BCAR3: variants seen among roughly 807,000 people sequenced by gnomAD.
BCAR3 encodes the protein BCAR3 adaptor protein, NSP family member.
In BCAR3, 37 loss-of-function variants were observed where a neutral mutation model predicts 80.1. That is an observed-to-expected ratio of 0.46 (90% CI 0.36 to 0.61). The LOEUF (loss-of-function observed/expected upper bound fraction) is 0.61. Ranked by LOEUF, BCAR3 falls within the 20% of genes least tolerant of loss-of-function variation. The pLI is 0.00. For missense variants in BCAR3, 978 were observed against 1,068.2 expected (o/e 0.92, Z 1.18); for synonymous variants, 389 against 418.9 (o/e 0.93, Z 0.87).
chr1:93,752,227 G>A (rs939238062), intron 2 of BCAR3, among the ~76,000 whole-genome samples: 1 of 152,200 alleles, frequency 6.6e-6, no homozygotes, highest in African/African-American at 2.4e-5. Context: ...GAAATCTCCT[G>A]TAGAGGCCAT....
At chr1:93,660,155 T>C (rs1383927754) in intron 2 of BCAR3, among the ~76,000 whole-genome samples, 1 of 151,788 alleles carries the variant, frequency 6.6e-6, no homozygotes, top group Non-Finnish European at 1.5e-5. Context: ...GAATAAAACA[T>C]TGGAAGGAGA....
chr1:93,761,648 C>A (rs2100727263), intron 2 of BCAR3, among the ~76,000 whole-genome samples: 1 of 152,306 alleles, frequency 6.6e-6, no homozygotes, highest in South Asian at 2.1e-4. Flanking sequence ...CCAGCTGGGG[C>A]AGCCACGGCA....
chr1:93,756,111 T>C (rs1363978254), intron 2 of BCAR3, among the ~76,000 whole-genome samples: 1 of 152,154 alleles, frequency 6.6e-6, no homozygotes, highest in Non-Finnish European at 1.5e-5. Flanking sequence ...ACAGACAAAA[T>C]GCACAGAACT....
At chr1:93,761,198 C>T (rs938408035) in intron 2 of BCAR3, among the ~76,000 whole-genome samples, 12 of 152,108 alleles carry the variant, frequency 7.9e-5, no homozygotes, top group Non-Finnish European at 1.0e-4. Context: ...GCTGAGATGA[C>T]GGGGGTGTGG....
At chr1:93,574,603 T>C (rs1244472825) in intron 8 of BCAR3, among the ~76,000 whole-genome samples, 4 of 152,056 alleles carry the variant, frequency 2.6e-5, no homozygotes, top group African/African-American at 7.2e-5. Flanking sequence ...ACTAAGAAAA[T>C]AGGGCTCAGA....
chr1:93,625,703 G>A (rs959594282), intron 3 of BCAR3, among the ~76,000 whole-genome samples: 3 of 152,182 alleles, frequency 2.0e-5, no homozygotes, highest in African/African-American at 7.2e-5. Flanking sequence ...GAGAGGGCTG[G>A]GACTCGAAAG....
intron 2 of BCAR3, among the ~76,000 whole-genome samples, chr1:93,769,355 ATG>A (rs59798936): frequency 0.19 from 22,281 of 119,508 alleles, 1,707 homozygotes; most frequent in South Asian, 0.27. Flanking sequence ...GTGGGTAGGA[ATG>A]TGTGTGTGTG....
Position 93,582,448 on chromosome 1 carries a change from G to GGA in BCAR3, c.1537_1538dup (p.Ser514ProfsTer25). On this transcript the variant is annotated frameshift_variant, in exon 7 of 12. Transcript: ENST00000260502. LOFTEE classifies it high-confidence loss of function. Reference sequence around the variant, plus strand: ...ACTCAAACTCGTTGGGCCTGAAGGAGGAGACAGTCTCCAGGAGGGGCGTCA... The same window carrying GGA: ...ACTCAAACTCGTTGGGCCTGAAGGAGGAGAGACAGTCTCCAGGAGGGGCGTCA... 1 of 1,614,194 alleles carries GGA rather than the reference G, an allele frequency of 6.2e-7. No homozygotes were observed. Among genetic ancestry groups the GGA allele is most frequent in the Non-Finnish European group, 8.5e-7 (1 of 1,180,032 alleles).
At chr1:93,675,222 C>T (rs74101658) in intron 1 of BCAR3, among the ~76,000 whole-genome samples, 8,574 of 151,934 alleles carry the variant, frequency 0.056, 470 homozygotes, top group African/African-American at 0.14. Flanking sequence ...CCATGCACAA[C>T]CAGCAAAAAA....
intron 2 of BCAR3, among the ~76,000 whole-genome samples, chr1:93,665,054 G>C (rs1454734287): frequency 6.6e-6 from 1 of 152,038 alleles, no homozygotes; most frequent in African/African-American, 2.4e-5. Context: ...TAAGAGGAAG[G>C]GCTTCTGCCT....
intron 2 of BCAR3, among the ~76,000 whole-genome samples, chr1:93,830,369 A>G (rs922700452): frequency 6.6e-6 from 1 of 152,206 alleles, no homozygotes; most frequent in Non-Finnish European, 1.5e-5. Context: ...CTGCATGTAT[A>G]CATCCAGATG....
chr1:93,670,168 C>T (rs746961638), intron 2 of BCAR3, among the ~76,000 whole-genome samples: 1 of 152,138 alleles, frequency 6.6e-6, no homozygotes, highest in East Asian at 1.9e-4. Context: ...ATGTGAATGT[C>T]AAGAGGAAAT....
chr1:93,604,561 C>G lies in BCAR3; in HGVS notation c.358-12168G>C, dbSNP rs78988421. Among the ~76,000 whole-genome samples the G allele has an allele frequency of 1.5e-3, 224 of 152,344 alleles. 1 individual carries two copies. The highest frequency in any genetic ancestry group is 5.0e-3 in the African/African-American group (208 of 41,580). On this transcript the variant is annotated intron_variant, in intron 3 of 11. Transcript: ENST00000260502. Reference sequence around the variant, plus strand: ...CAGTAACTTAATCCTACATGACAAACTAATTACATTAGAATCATTGTGATA... The same window carrying G: ...CAGTAACTTAATCCTACATGACAAAGTAATTACATTAGAATCATTGTGATA...
At chr1:93,759,894 G>A (rs1423507927) in intron 2 of BCAR3, among the ~76,000 whole-genome samples, 1 of 152,030 alleles carries the variant, frequency 6.6e-6, no homozygotes, top group Admixed American at 6.5e-5. Flanking sequence ...CTTGCCCCTC[G>A]CTGGTCTCAA....
chr1:93,618,288 G>A, intron 3 of BCAR3, among the ~76,000 whole-genome samples: 1 of 152,200 alleles, frequency 6.6e-6, no homozygotes, highest in East Asian at 1.9e-4. Flanking sequence ...AACACAGACA[G>A]TACATTTAGG....
intron 7 of BCAR3, among the ~76,000 whole-genome samples, chr1:93,577,078 C>T (rs1673488375): frequency 6.6e-6 from 1 of 152,190 alleles, no homozygotes; most frequent in South Asian, 2.1e-4. Context: ...CACTTGAGTA[C>T]AGGAGTTTGA....
intron 4 of BCAR3, among the ~76,000 whole-genome samples, chr1:93,589,861 A>G (rs1674099892): frequency 1.3e-5 from 2 of 152,242 alleles, no homozygotes; most frequent in South Asian, 4.1e-4. Context: ...TCACAAGAAC[A>G]TGACGTTTAT....
At chr1:93,814,270 C>T (rs139027331) in intron 2 of BCAR3, among the ~76,000 whole-genome samples, 15 of 152,194 alleles carry the variant, frequency 9.9e-5, no homozygotes, top group Non-Finnish European at 2.2e-4. Context: ...TATGCCTCTG[C>T]TGATGTGATT....
intron 2 of BCAR3, among the ~76,000 whole-genome samples, chr1:93,780,228 T>C (rs1216374554): frequency 1.3e-5 from 2 of 152,160 alleles, no homozygotes; most frequent in African/African-American, 4.8e-5. Context: ...CTAGCTCCCC[T>C]GATACTTTGC....
Sources: allele counts gnomAD v4.1 joint callset (sites outside exome capture counted in the v4.1 genomes callset), GRCh38; gene constraint gnomAD v4.1.1; transcripts MANE v1.5; gene names NCBI Gene and HGNC (gene_info 2026-07-23, HGNC 2026-07-21).